ZCCHC14: variants seen among roughly 807,000 people sequenced by gnomAD.
ZCCHC14 encodes zinc finger CCHC domain-containing protein 14.
In ZCCHC14, 16 loss-of-function variants were observed where a neutral mutation model predicts 85.0. That is an observed-to-expected ratio of 0.19 (90% CI 0.13 to 0.29). The LOEUF (loss-of-function observed/expected upper bound fraction) is 0.29, where lower values mean the gene tolerates loss of function less well. Among genes scored for constraint, ZCCHC14 ranks in the 10% least tolerant of loss-of-function variants. The pLI, the probability that ZCCHC14 is intolerant of heterozygous loss-of-function variation, is 1.00. For missense variants in ZCCHC14, 1,303 were observed against 1,443.5 expected (o/e 0.90, Z 1.58); for synonymous variants, 775 against 630.7 (o/e 1.23, Z -3.43).
chr16:87,453,689 G>A (rs1467525412), intron 2 of ZCCHC14, among the ~76,000 whole-genome samples: 1 of 152,210 alleles, frequency 6.6e-6, no homozygotes. Context: ...ATTCCCTGTT[G>A]CAAGAGAGAA....
At chr16:87,484,538 T>G (rs1219463211) in intron 1 of ZCCHC14, among the ~76,000 whole-genome samples, 2 of 152,266 alleles carry the variant, frequency 1.3e-5, no homozygotes, top group African/African-American at 4.8e-5. Flanking sequence ...TGTAAGATCC[T>G]ACGTGTATCT....
intron 4 of ZCCHC14, among the ~76,000 whole-genome samples, chr16:87,422,677 A>T (rs1909164385): frequency 6.6e-6 from 1 of 151,976 alleles, no homozygotes; most frequent in South Asian, 2.1e-4. Context: ...TGGAGGTTGC[A>T]GTGAGCCAAG....
In ZCCHC14 at chr16:87,409,104, T is replaced by G. The variant is rs1373042415; in HGVS notation, c.*1176A>C. The G allele has an allele frequency of 6.6e-6, 1 of 152,458 alleles. No individual in the cohort carries two copies. Among genetic ancestry groups the G allele is most frequent in the Non-Finnish European group, 1.5e-5 (1 of 68,044 alleles). 9.4% of individuals were successfully genotyped at this position (152,458 alleles called of 1,614,324 possible). On this transcript the variant is annotated 3_prime_UTR_variant, in exon 13 of 13. Coordinates refer to ENST00000671377, the MANE Select transcript of ZCCHC14 (RefSeq NM_015144.3). ...GCACAGATCTCGCAGCTCTCGGGTG[T>G]GTGGCCTCTTCCAGAGTCCTACCAC...
At chr16:87,430,346 G>A (rs891478476) in intron 3 of ZCCHC14, among the ~76,000 whole-genome samples, 1 of 152,120 alleles carries the variant, frequency 6.6e-6, no homozygotes, top group Non-Finnish European at 1.5e-5. Context: ...GTGTGAGTCT[G>A]TCTGGAGCCT....
At chr16:87,452,862 G>A (rs1910772176) in intron 2 of ZCCHC14, among the ~76,000 whole-genome samples, 2 of 152,324 alleles carry the variant, frequency 1.3e-5, no homozygotes, top group African/African-American at 4.8e-5. Flanking sequence ...AAACAGCGAA[G>A]CCCCATGCCT....
Position 87,441,777 on chromosome 16 carries a change from T to C in ZCCHC14, c.695-8576A>G, listed in dbSNP as rs1323616448. 3.3e-5 allele frequency among the ~76,000 whole-genome samples: 5 copies of C among 152,350 alleles called. No homozygotes were observed. In the East Asian group the frequency reaches 9.6e-4, roughly 29 times the overall value. On this transcript the variant is annotated intron_variant, in intron 2 of 12. Coordinates refer to ENST00000671377, the MANE Select transcript of ZCCHC14 (RefSeq NM_015144.3). ...TTGTTACAGCTTTCCTCTTACTTTT[T>C]TGGGGCCAACCTGTGTTTCAGGGAA...
At chr16:87,461,699 G>C (rs1328307550) in intron 1 of ZCCHC14, among the ~76,000 whole-genome samples, 1 of 152,196 alleles carries the variant, frequency 6.6e-6, no homozygotes, top group Admixed American at 6.5e-5. Context: ...AAGTGGAGGC[G>C]GAAGCTGGAG....
rs898689606 is a variant in ZCCHC14, at chr16:87,406,474, A to T, written c.*3806T>A. Reference sequence around the variant, plus strand: ...TACATGCAATTTTGTAGAATTGACAAAAGAATGGCTCAAAAATGGGAGAAT... The same window carrying T: ...TACATGCAATTTTGTAGAATTGACATAAGAATGGCTCAAAAATGGGAGAAT... On this transcript the variant is annotated 3_prime_UTR_variant, in exon 13 of 13. Transcript: ENST00000671377. 2.6e-5 allele frequency: 4 copies of T among 152,646 alleles called. No homozygotes were observed. Among genetic ancestry groups the T allele is most frequent in the Non-Finnish European group, 5.9e-5 (4 of 68,042 alleles). The allele number at this position is 152,646 out of a possible 1,614,324, so 9.5% of individuals were successfully genotyped here.
intron 2 of ZCCHC14, among the ~76,000 whole-genome samples, chr16:87,445,076 T>C (rs1910370331): frequency 1.3e-5 from 2 of 152,046 alleles, no homozygotes; most frequent in South Asian, 4.1e-4. Context: ...TAAACTTTTT[T>C]TTTTTTTTTG....
At chr16:87,422,022 T>C (rs1381573728) in intron 4 of ZCCHC14, among the ~76,000 whole-genome samples, 1 of 152,098 alleles carries the variant, frequency 6.6e-6, no homozygotes, top group East Asian at 1.9e-4. Context: ...ATGTGGGACC[T>C]AGTGACAGGG....
At chr16:87,462,773 A>C (rs1911333093) in intron 1 of ZCCHC14, among the ~76,000 whole-genome samples, 1 of 151,188 alleles carries the variant, frequency 6.6e-6, no homozygotes, top group Non-Finnish European at 1.5e-5. Context: ...AAAGAAAAAA[A>C]ACAAACACGG....
Position 87,413,202 on chromosome 16 carries a change from A to G in ZCCHC14, c.1604-7T>C. On this transcript the variant is annotated splice_region_variant and splice_polypyrimidine_tract_variant and intron_variant, in intron 10 of 12. Coordinates refer to ENST00000671377, the MANE Select transcript of ZCCHC14 (RefSeq NM_015144.3). Reference sequence around the variant, plus strand: ...TCCACTTCCACCCGCAGCTCTGCAGAAAAGGGACAGAGGAGCAGCCATCAA... The same window carrying G: ...TCCACTTCCACCCGCAGCTCTGCAGGAAAGGGACAGAGGAGCAGCCATCAA... 1 of 1,546,236 alleles carries G rather than the reference A, an allele frequency of 6.5e-7. No homozygotes were observed. Among genetic ancestry groups the G allele is most frequent in the Non-Finnish European group, 8.7e-7 (1 of 1,147,672 alleles).
At chr16:87,435,557 C>T (rs944932064) in intron 2 of ZCCHC14, among the ~76,000 whole-genome samples, 2 of 152,222 alleles carry the variant, frequency 1.3e-5, no homozygotes, top group Non-Finnish European at 2.9e-5. Flanking sequence ...GCCAGCCAAC[C>T]CTGCGCTGAA....
In ZCCHC14 at chr16:87,492,281, G is replaced by T. The variant is rs1912802204; in HGVS notation, c.-43C>A. The T allele has an allele frequency of 1.0e-6, 1 of 975,012 alleles. No individual in the cohort carries two copies. The highest frequency in any genetic ancestry group is 1.2e-6 in the Non-Finnish European group (1 of 824,322). 60.4% of individuals were successfully genotyped at this position (975,012 alleles called of 1,614,324 possible). A position where few individuals can be genotyped will look rare whatever the true frequency, so the allele number is the denominator to read the frequency against. On this transcript the variant is annotated 5_prime_UTR_variant, in exon 1 of 13. Transcript: ENST00000671377. This position sits in a 1 kb window ranked among gnomAD's most constrained non-coding sequence, Gnocchi z 6.7. ...GCCGCGACCCGGGGCCGGGGACCGC[G>T]CGGGGGCGGCCGGGGGGCGCCGGGG...
chr16:87,411,183 G>A (rs1217556203), intron 12 of ZCCHC14, among the ~76,000 whole-genome samples: 1 of 152,196 alleles, frequency 6.6e-6, no homozygotes, highest in African/African-American at 2.4e-5. Context: ...CAGCCTGAGG[G>A]CCCCAGTGTT....
At chr16:87,467,211 G>C in intron 1 of ZCCHC14, 1 of 1,529,516 alleles carries the variant, frequency 6.5e-7, no homozygotes, top group Non-Finnish European at 9.0e-7. Flanking sequence ...CTTTTAAAAG[G>C]AAACTCGAAT....
At chr16:87,476,084 G>A (rs1911992928) in intron 1 of ZCCHC14, among the ~76,000 whole-genome samples, 2 of 152,216 alleles carry the variant, frequency 1.3e-5, no homozygotes, top group Admixed American at 1.3e-4. Context: ...AGTCCCAGTA[G>A]AAGAAAGCTG....
chr16:87,484,706 A>C (rs919968916), intron 1 of ZCCHC14, among the ~76,000 whole-genome samples: 3 of 152,330 alleles, frequency 2.0e-5, no homozygotes, highest in South Asian at 4.1e-4. Flanking sequence ...TGGTGAAGCG[A>C]CTAAGAGAAG....
At chr16:87,476,208 C>T (rs1020034005) in intron 1 of ZCCHC14, among the ~76,000 whole-genome samples, 3 of 152,060 alleles carry the variant, frequency 2.0e-5, no homozygotes, top group South Asian at 2.1e-4. Context: ...CCTACACTCC[C>T]GAAAATACTA....
Sources: allele counts gnomAD v4.1 joint callset (sites outside exome capture counted in the v4.1 genomes callset), GRCh38; gene constraint gnomAD v4.1.1; non-coding constraint Gnocchi (gnomAD v3.1); transcripts MANE v1.5; gene names NCBI Gene and HGNC (gene_info 2026-07-23, HGNC 2026-07-21).